The following ZNF804B variants were observed in gnomAD, a reference collection of about 807,000 sequenced individuals.
The protein encoded by ZNF804B is zinc finger protein 804B.
A neutral mutation model predicts 101.4 loss-of-function variants in ZNF804B; 80 were observed. The observed-to-expected ratio is 0.79, with a 90% CI of 0.66 to 0.95. The LOEUF (loss-of-function observed/expected upper bound fraction) is 0.95. Among genes scored for constraint, ZNF804B ranks in the 40% least tolerant of loss-of-function variants. The pLI is 0.00. For missense variants in ZNF804B, 1,673 were observed against 1,561.9 expected (o/e 1.07, Z -1.20); for synonymous variants, 622 against 558.8 (o/e 1.11, Z -1.59).
At chr7:89,175,891 A>G (rs956521033) in intron 1 of ZNF804B, among the ~76,000 whole-genome samples, 18 of 151,762 alleles carry the variant, frequency 1.2e-4, no homozygotes, top group Non-Finnish European at 8.8e-5. Context: ...AATGCTACCA[A>G]TTTTTCTATA....
At chr7:89,270,706 T>G (rs1298935407) in intron 2 of ZNF804B, among the ~76,000 whole-genome samples, 4 of 152,194 alleles carry the variant, frequency 2.6e-5, no homozygotes, top group Non-Finnish European at 5.9e-5. Flanking sequence ...GAGCATGGAC[T>G]ATTTTTCCAT....
At chr7:89,102,883 G>C (rs781444577) in intron 1 of ZNF804B, among the ~76,000 whole-genome samples, 33 of 151,550 alleles carry the variant, frequency 2.2e-4, no homozygotes, top group Non-Finnish European at 1.6e-4. Flanking sequence ...TAGGTGTCCA[G>C]CTTCATTCTT....
intron 1 of ZNF804B, among the ~76,000 whole-genome samples, chr7:88,829,603 A>G (rs542142915): frequency 1.3e-5 from 2 of 152,226 alleles, no homozygotes; most frequent in Admixed American, 1.3e-4. Context: ...CTCATATAAT[A>G]AAGCTGGATA....
chr7:89,275,589 C>A (rs1399499201), intron 2 of ZNF804B, among the ~76,000 whole-genome samples: 1 of 151,914 alleles, frequency 6.6e-6, no homozygotes, highest in Non-Finnish European at 1.5e-5. Context: ...CAGATATCTA[C>A]ACAGTTTATT....
chr7:88,977,193 C>T (rs905301856), intron 1 of ZNF804B, among the ~76,000 whole-genome samples: 13 of 145,810 alleles, frequency 8.9e-5, no homozygotes, highest in African/African-American at 2.7e-4. Context: ...CCCATAAATT[C>T]TTTTTTTTTT....
intron 1 of ZNF804B, among the ~76,000 whole-genome samples, chr7:88,919,986 C>T (rs141104063): frequency 3.4e-4 from 52 of 152,094 alleles, no homozygotes; most frequent in Admixed American, 2.8e-3. Flanking sequence ...CTGCATATTA[C>T]GAGGGAGGCT....
At chr7:89,039,272 TTTTG>T (rs1282036042) in intron 1 of ZNF804B, among the ~76,000 whole-genome samples, 8 of 152,024 alleles carry the variant, frequency 5.3e-5, no homozygotes, top group Admixed American at 2.0e-4. Context: ...TGTAAACATT[TTTTG>T]TTTGTTTGGG....
intron 1 of ZNF804B, among the ~76,000 whole-genome samples, chr7:88,800,671 G>A (rs1354989176): frequency 6.7e-6 from 1 of 149,248 alleles, no homozygotes; most frequent in Non-Finnish European, 1.5e-5. Context: ...TTTAAGCTGG[G>A]AATTAAAAAA....
At chr7:89,013,542 G>T (rs140118789) in intron 1 of ZNF804B, among the ~76,000 whole-genome samples, 4 of 152,074 alleles carry the variant, frequency 2.6e-5, no homozygotes, top group Non-Finnish European at 2.9e-5. Flanking sequence ...CATATTTATG[G>T]GGCACATAGT....
intron 1 of ZNF804B, among the ~76,000 whole-genome samples, chr7:88,768,603 A>G (rs1465929031): frequency 1.3e-5 from 2 of 152,204 alleles, no homozygotes; most frequent in Non-Finnish European, 2.9e-5. Context: ...CTGTAATTCC[A>G]GCTACTCAGG....
At chr7:89,310,334 A>G (rs577897172) in intron 2 of ZNF804B, among the ~76,000 whole-genome samples, 2 of 152,276 alleles carry the variant, frequency 1.3e-5, no homozygotes, top group South Asian at 4.1e-4. Context: ...TGATTAAGCC[A>G]CTGAAGCCAA....
chr7:89,056,020 C>T (rs1789286325), intron 1 of ZNF804B, among the ~76,000 whole-genome samples: 1 of 151,966 alleles, frequency 6.6e-6, no homozygotes, highest in Non-Finnish European at 1.5e-5. Flanking sequence ...CTTTCTTGGT[C>T]AGATGAGGAA....
At chr7:88,845,295 G>GTGCACA (rs1554339279) in intron 1 of ZNF804B, among the ~76,000 whole-genome samples, 1 of 101,312 alleles carries the variant, frequency 9.9e-6, no homozygotes, top group African/African-American at 4.4e-5. Context: ...GCGCGCGCAC[G>GTGCACA]CGCGCGCACA....
chr7:89,039,025 T>C (rs1240356548), intron 1 of ZNF804B, among the ~76,000 whole-genome samples: 1 of 151,972 alleles, frequency 6.6e-6, no homozygotes, highest in Non-Finnish European at 1.5e-5. Flanking sequence ...GTATGGTGAT[T>C]TTCTATTTTT....
intron 1 of ZNF804B, among the ~76,000 whole-genome samples, chr7:88,839,868 A>C (rs1026344624): frequency 1.3e-5 from 2 of 152,134 alleles, no homozygotes; most frequent in Non-Finnish European, 2.9e-5. Context: ...ATCTATACAT[A>C]GCACGTGGCA....
intron 2 of ZNF804B, among the ~76,000 whole-genome samples, chr7:89,318,205 T>C (rs1409533377): frequency 6.6e-6 from 1 of 152,092 alleles, no homozygotes; most frequent in Non-Finnish European, 1.5e-5. Context: ...TCTAGCAAAT[T>C]TGGAGTTTGG....
At chr7:88,951,765 C>G (rs899331865) in intron 1 of ZNF804B, among the ~76,000 whole-genome samples, 1 of 151,706 alleles carries the variant, frequency 6.6e-6, no homozygotes, top group Non-Finnish European at 1.5e-5. Context: ...AACTTTAAAA[C>G]AAAACAAAAC....
At chr7:89,087,350 G>A (rs10229120) in intron 1 of ZNF804B, among the ~76,000 whole-genome samples, 12 of 151,492 alleles carry the variant, frequency 7.9e-5, no homozygotes, top group Non-Finnish European at 4.4e-5. Flanking sequence ...AAAAAAAAGG[G>A]TCCAAATGTT....
At chr7:89,099,248 T>A (rs1377098769) in intron 1 of ZNF804B, among the ~76,000 whole-genome samples, 1 of 152,016 alleles carries the variant, frequency 6.6e-6, no homozygotes, top group Admixed American at 6.6e-5. Context: ...TCCAACTCAC[T>A]ACTATATCAT....
Sources: gnomAD v4.1 joint callset for allele counts (sites outside exome capture counted in the v4.1 genomes callset) on GRCh38, gnomAD v4.1.1 for gene constraint, MANE v1.5 for transcripts, NCBI Gene and HGNC (gene_info 2026-07-23, HGNC 2026-07-21) for gene names.